RALGAPB: variants seen among roughly 807,000 people sequenced by gnomAD.
RALGAPB encodes the protein Ral GTPase activating protein non-catalytic subunit beta, also known as ral GTPase-activating protein subunit beta.
Under a neutral mutation model 161.1 loss-of-function variants are expected in RALGAPB, and 25 were observed. The observed-to-expected ratio is 0.16, with a 90% CI of 0.11 to 0.22. The LOEUF is 0.22. Ranked by LOEUF, RALGAPB falls within the 10% of genes least tolerant of loss-of-function variation. The probability of loss-of-function intolerance (pLI) is 1.00; values close to 1 mark genes in which losing one functional copy is unlikely to be tolerated. For missense variants in RALGAPB, 1,391 were observed against 1,815.2 expected (o/e 0.77, Z 4.25); for synonymous variants, 629 against 626.1 (o/e 1.00, Z -0.07).
At chr20:38,483,768 C>T (rs918146050) in intron 1 of RALGAPB, among the ~76,000 whole-genome samples, 2 of 152,152 alleles carry the variant, frequency 1.3e-5, no homozygotes, top group African/African-American at 2.4e-5. Context: ...GAGGTTGATT[C>T]TTGCCTAGGA....
At chr20:38,553,777 CA>C (rs35778032) in intron 21 of RALGAPB, 89 bp from the exon 22 acceptor site, 11,284 of 275,086 alleles carry the variant, frequency 0.041, 9 homozygotes, top group African/African-American at 0.089. Flanking sequence ...AGCCCAGTCT[CA>C]AAAAAAAAAA....
intron 6 of RALGAPB, among the ~76,000 whole-genome samples, chr20:38,509,582 C>G (rs1261849273): frequency 6.6e-6 from 1 of 152,200 alleles, no homozygotes; most frequent in African/African-American, 2.4e-5. Flanking sequence ...GTCAGTCTGC[C>G]TCTCAGAGCC....
chr20:38,563,807 A>G (rs1350870141), intron 24 of RALGAPB, among the ~76,000 whole-genome samples: 1 of 152,152 alleles, frequency 6.6e-6, no homozygotes, highest in Admixed American at 6.5e-5. Context: ...TTTGATTAGC[A>G]TTCCTGTTTT....
intron 26 of RALGAPB, 49 bp downstream of exon 26, chr20:38,567,281 G>A: frequency 2.5e-6 from 4 of 1,588,356 alleles, no homozygotes; most frequent in Non-Finnish European, 3.4e-6. Context: ...TGAAATCAGG[G>A]TAATTATAGA....
chr20:38,479,131 A>G (rs769203963), intron 1 of RALGAPB, among the ~76,000 whole-genome samples: 1 of 152,184 alleles, frequency 6.6e-6, no homozygotes, highest in South Asian at 2.1e-4. Flanking sequence ...CCATGGTGTC[A>G]TCTTTGATTT....
At chr20:38,518,375 G>A (rs805557) in intron 9 of RALGAPB, among the ~76,000 whole-genome samples, 10,748 of 152,138 alleles carry the variant, frequency 0.071, 726 homozygotes, top group African/African-American at 0.18. Context: ...AAGTGTTTTC[G>A]ATTTTGACAG....
intron 18 of RALGAPB, among the ~76,000 whole-genome samples, chr20:38,542,029 T>C (rs1251100821): frequency 6.6e-6 from 1 of 152,314 alleles, no homozygotes; most frequent in East Asian, 1.9e-4. Context: ...TTGTTTGGCT[T>C]GTAAGTGAGC....
At chr20:38,488,097 GA>G (rs1187975372) in intron 1 of RALGAPB, among the ~76,000 whole-genome samples, 2 of 152,116 alleles carry the variant, frequency 1.3e-5, no homozygotes, top group African/African-American at 4.8e-5. Flanking sequence ...TTGTGACCCA[GA>G]ACATATGCAT....
chr20:38,544,232 C>T (rs805547), intron 18 of RALGAPB, among the ~76,000 whole-genome samples: 168 of 152,304 alleles, frequency 1.1e-3, no homozygotes, highest in African/African-American at 4.0e-3. Flanking sequence ...TCTCCCACTT[C>T]TATGCGTTGG....
chr20:38,494,757 A>C (rs1361887029), intron 3 of RALGAPB, among the ~76,000 whole-genome samples: 2 of 152,236 alleles, frequency 1.3e-5, no homozygotes, highest in East Asian at 3.8e-4. Flanking sequence ...TTAGGAGCCT[A>C]CTAGGCTTTT....
intron 1 of RALGAPB, among the ~76,000 whole-genome samples, chr20:38,484,752 A>G (rs571555628): frequency 5.9e-5 from 9 of 152,124 alleles, no homozygotes; most frequent in African/African-American, 2.2e-4. Flanking sequence ...CTGGAGTGCA[A>G]TGGCGCGATC....
Position 38,497,483 on chromosome 20 carries a change from A to T in RALGAPB, c.520A>T (p.Asn174Tyr). Residue 174 changes from asparagine to tyrosine, a missense_variant, in exon 4 of 30, where the codon AAC becomes TAC. Around this residue, in one of 3 missense-constraint regions of RALGAPB, gnomAD observed 946 missense variants for 1,257.2 expected, o/e 0.75. Transcript: ENST00000262879. ...CTTACTGTTGTTTCTTCTGCAGATT[A>T]ACGACATACTTCTGGCCCCACCAAC... ...EVLLLFLLQI[N>Y]DILLAPPTVQ... 1 of 1,614,038 alleles carries T rather than the reference A, an allele frequency of 6.2e-7. No individual in the cohort carries two copies. Among genetic ancestry groups the T allele is most frequent in the Non-Finnish European group, 8.5e-7 (1 of 1,179,984 alleles).
At chr20:38,477,736 A>G (rs1477050684) in intron 1 of RALGAPB, among the ~76,000 whole-genome samples, 1 of 152,186 alleles carries the variant, frequency 6.6e-6, no homozygotes, top group African/African-American at 2.4e-5. Flanking sequence ...AAGTATGTCA[A>G]CTTAGGTTGC....
chr20:38,511,444 A>G (rs2085949474), intron 6 of RALGAPB, among the ~76,000 whole-genome samples: 1 of 151,870 alleles, frequency 6.6e-6, no homozygotes, highest in Non-Finnish European at 1.5e-5. Flanking sequence ...CATGTGAACA[A>G]AGGTCTCTGG....
Position 38,541,172 on chromosome 20 carries a change from T to C in RALGAPB, c.2694T>C (p.Ala898=). The change falls in exon 18 of 30, where the codon GCT becomes GCC. Residue 898 remains alanine (A), a synonymous_variant. Transcript: ENST00000262879. ...CTGCATCTATGAGGGTAAAGGATGC[T>C]GCTGAAGCCACCCTAACATGGTATG... ...PNPASMRVKD[A]AEATLTCIMQ... 6.2e-7 allele frequency: 1 copy of C among 1,614,108 alleles called. No homozygotes were observed. The highest frequency in any genetic ancestry group is 1.1e-5 in the South Asian group (1 of 91,090).
intron 17 of RALGAPB, 49 bp downstream of exon 17, chr20:38,540,007 T>C (rs768840108): frequency 4.6e-6 from 7 of 1,513,790 alleles, no homozygotes; most frequent in East Asian, 4.5e-5. Flanking sequence ...AAATGTATGC[T>C]AGCAAAATGC....
intron 1 of RALGAPB, among the ~76,000 whole-genome samples, chr20:38,486,584 C>T (rs2085122389): frequency 6.6e-6 from 1 of 152,146 alleles, no homozygotes; most frequent in East Asian, 1.9e-4. Flanking sequence ...CTTTCCTCCC[C>T]TGATGATTCT....
chr20:38,530,117 CAT>C (rs910893095), intron 13 of RALGAPB, among the ~76,000 whole-genome samples: 94 of 152,292 alleles, frequency 6.2e-4, no homozygotes, highest in African/African-American at 1.9e-3. Context: ...ATGATGAAAA[CAT>C]GTGAGAACCA....
intron 5 of RALGAPB, among the ~76,000 whole-genome samples, chr20:38,507,794 C>T (rs2085809567): frequency 6.6e-6 from 1 of 151,932 alleles, no homozygotes; most frequent in Non-Finnish European, 1.5e-5. Context: ...AACTCCTGAC[C>T]TCAAGCAATC....
Sources: allele counts gnomAD v4.1 joint callset (sites outside exome capture counted in the v4.1 genomes callset), GRCh38; gene constraint gnomAD v4.1.1; regional missense constraint gnomAD v4.1.1; transcripts MANE v1.5; gene names NCBI Gene and HGNC (gene_info 2026-07-23, HGNC 2026-07-21).